The following LCLAT1 variants were observed in gnomAD, a reference collection of about 807,000 sequenced individuals.
The protein encoded by LCLAT1 is lysocardiolipin acyltransferase 1.
In LCLAT1, 11 loss-of-function variants were observed where a neutral mutation model predicts 30.7. That is an observed-to-expected ratio of 0.36 (90% CI 0.23 to 0.59). LCLAT1 has a LOEUF of 0.59. Among genes scored for constraint, LCLAT1 ranks in the 20% least tolerant of loss-of-function variants. LCLAT1 has a pLI of 0.77. For missense variants in LCLAT1, 402 were observed against 458.6 expected, an observed-to-expected ratio of 0.88 and a Z score of 1.13; for synonymous variants, 155 against 151.3, an observed-to-expected ratio of 1.02 and a Z score of -0.18.
chr2:30,565,208 G>T lies in LCLAT1; in HGVS notation c.512-2852G>T, dbSNP rs560095356. Among the ~76,000 whole-genome samples the T allele has an allele frequency of 9.9e-5, 15 of 152,282 alleles. No individual in the cohort carries two copies. In the South Asian group the frequency reaches 2.5e-3, roughly 25 times the overall value. ...TGGCTCTTACAGTTGTGGAGGTTTG[G>T]TAAGTCCACGATCTGTAGGGTAGGG... On this transcript the variant is annotated intron_variant, in intron 4 of 5. Transcript: ENST00000379509.
chr2:30,627,088 A>T (rs2148523137), intron 5 of LCLAT1, among the ~76,000 whole-genome samples: 1 of 152,224 alleles, frequency 6.6e-6, no homozygotes, highest in South Asian at 2.1e-4. Flanking sequence ...TGAGAAACAC[A>T]CTCACCCATC....
intron 5 of LCLAT1, among the ~76,000 whole-genome samples, chr2:30,614,733 A>G (rs1472388073): frequency 6.6e-6 from 1 of 152,198 alleles, no homozygotes; most frequent in African/African-American, 2.4e-5. Flanking sequence ...GCATGACCAC[A>G]TATGATATTT....
At chr2:30,603,202 T>C (rs1667274059) in intron 5 of LCLAT1, among the ~76,000 whole-genome samples, 1 of 152,126 alleles carries the variant, frequency 6.6e-6, no homozygotes, top group African/African-American at 2.4e-5. Flanking sequence ...AGAGAATTAA[T>C]AAACATTCAG....
At chr2:30,460,154 T>A (rs1016079665) in intron 1 of LCLAT1, among the ~76,000 whole-genome samples, 1 of 152,162 alleles carries the variant, frequency 6.6e-6, no homozygotes, top group African/African-American at 2.4e-5. Context: ...TTTGAAACAG[T>A]GAGGGTTTGG....
chr2:30,612,373 C>T (rs1337566524), intron 5 of LCLAT1, among the ~76,000 whole-genome samples: 1 of 152,078 alleles, frequency 6.6e-6, no homozygotes, highest in African/African-American at 2.4e-5. Context: ...CTCCTTAAAC[C>T]TATAAAAGGC....
intron 5 of LCLAT1, among the ~76,000 whole-genome samples, chr2:30,625,648 G>T (rs374631443): frequency 6.6e-6 from 1 of 152,088 alleles, no homozygotes; most frequent in Admixed American, 6.6e-5. Flanking sequence ...TTATATTGGG[G>T]CATATTTTTA....
At chr2:30,563,053 CTT>C (rs77787354) in intron 4 of LCLAT1, among the ~76,000 whole-genome samples, 3 of 146,642 alleles carry the variant, frequency 2.0e-5, no homozygotes, top group Admixed American at 6.8e-5. Context: ...AAATATTAAA[CTT>C]TTTTTTTTTT....
chr2:30,621,744 C>G (rs1464667691), intron 5 of LCLAT1, among the ~76,000 whole-genome samples: 1 of 152,054 alleles, frequency 6.6e-6, no homozygotes, highest in Admixed American at 6.6e-5. Flanking sequence ...GTGGGGAGAG[C>G]CCTGTGGGTA....
chr2:30,476,898 C>T (rs1298105046), intron 1 of LCLAT1, among the ~76,000 whole-genome samples: 1 of 152,198 alleles, frequency 6.6e-6, no homozygotes, highest in East Asian at 1.9e-4. Context: ...CCTCTTTACA[C>T]TGTCATACTT....
At chr2:30,563,441 G>A (rs550161425) in intron 4 of LCLAT1, among the ~76,000 whole-genome samples, 1 of 152,282 alleles carries the variant, frequency 6.6e-6, no homozygotes, top group Admixed American at 6.5e-5. Flanking sequence ...TAGACAGAAA[G>A]TATTTCTGTA....
intron 1 of LCLAT1, among the ~76,000 whole-genome samples, chr2:30,510,481 T>C (rs1020412927): frequency 2.6e-5 from 4 of 152,252 alleles, no homozygotes; most frequent in South Asian, 2.1e-4. Context: ...TGTAACCTGT[T>C]TTTTCCTTTC....
chr2:30,635,166 G>C (rs1022664681), intron 5 of LCLAT1, among the ~76,000 whole-genome samples: 1 of 151,992 alleles, frequency 6.6e-6, no homozygotes, highest in Non-Finnish European at 1.5e-5. Context: ...TTGGGAGAAT[G>C]AAGTGGGAGG....
intron 5 of LCLAT1, among the ~76,000 whole-genome samples, chr2:30,573,179 T>C (rs967941540): frequency 6.6e-6 from 1 of 152,214 alleles, no homozygotes; most frequent in Non-Finnish European, 1.5e-5. Flanking sequence ...CCCCTCTGCT[T>C]TTCACATGCT....
At chr2:30,591,252 A>C (rs549760133) in intron 5 of LCLAT1, among the ~76,000 whole-genome samples, 28 of 152,324 alleles carry the variant, frequency 1.8e-4, no homozygotes, top group African/African-American at 6.7e-4. Context: ...AAACTACCCC[A>C]TCACATCTGT....
At chr2:30,542,089 A>G (rs747453050) in intron 3 of LCLAT1, among the ~76,000 whole-genome samples, 4 of 152,222 alleles carry the variant, frequency 2.6e-5, no homozygotes, top group African/African-American at 9.6e-5. Flanking sequence ...CTGTTGCTCT[A>G]TAAGAGTTCT....
intron 3 of LCLAT1, among the ~76,000 whole-genome samples, chr2:30,542,530 A>G (rs1368781960): frequency 1.3e-5 from 2 of 152,160 alleles, no homozygotes; most frequent in East Asian, 1.9e-4. Flanking sequence ...GTAATTTTAT[A>G]GCAAGAATTG....
At chr2:30,571,130 TC>T (rs1262928852) in intron 5 of LCLAT1, among the ~76,000 whole-genome samples, 1 of 152,208 alleles carries the variant, frequency 6.6e-6, no homozygotes, top group Non-Finnish European at 1.5e-5. Flanking sequence ...TATATTTCAA[TC>T]CATACTTAGC....
chr2:30,543,605 G>T (rs1288293742), intron 3 of LCLAT1, among the ~76,000 whole-genome samples: 2 of 151,952 alleles, frequency 1.3e-5, no homozygotes, highest in Non-Finnish European at 2.9e-5. Flanking sequence ...TCAATTTTTT[G>T]AGTTGATATT....
At chr2:30,613,307 T>C (rs1453766716) in intron 5 of LCLAT1, among the ~76,000 whole-genome samples, 1 of 152,124 alleles carries the variant, frequency 6.6e-6, no homozygotes, top group African/African-American at 2.4e-5. Flanking sequence ...AAAGGATTAC[T>C]CTGGCTGTAA....
Sources: allele counts gnomAD v4.1 joint callset (sites outside exome capture counted in the v4.1 genomes callset), GRCh38; gene constraint gnomAD v4.1.1; transcripts MANE v1.5; gene names NCBI Gene and HGNC (gene_info 2026-07-23, HGNC 2026-07-21).